PIK3CA: variants seen among roughly 807,000 people sequenced by gnomAD.
The protein encoded by PIK3CA is phosphatidylinositol 4,5-bisphosphate 3-kinase catalytic subunit alpha isoform.
A neutral mutation model predicts 138.2 loss-of-function variants in PIK3CA; 27 were observed. The observed-to-expected ratio is 0.20, with a 90% CI of 0.14 to 0.27. The LOEUF (loss-of-function observed/expected upper bound fraction) is 0.27. Ranked by LOEUF, PIK3CA falls within the 10% of genes least tolerant of loss-of-function variation. The pLI is 1.00. For missense variants in PIK3CA, 544 were observed against 1,277.4 expected (o/e 0.43, Z 8.75); for synonymous variants, 358 against 413.2 (o/e 0.87, Z 1.62).
intron 1 of PIK3CA, among the ~76,000 whole-genome samples, chr3:179,155,344 C>G: frequency 6.6e-6 from 1 of 152,162 alleles, no homozygotes; most frequent in East Asian, 1.9e-4. Context: ...TCTTATATTT[C>G]TATCAGGAGC....
At chr3:179,210,862 G>C (rs141662373) in intron 9 of PIK3CA, among the ~76,000 whole-genome samples, 18 of 152,300 alleles carry the variant, frequency 1.2e-4, no homozygotes, top group Middle Eastern at 3.4e-3. Context: ...CCTTCATTGA[G>C]TATGCACTCT....
intron 1 of PIK3CA, chr3:179,169,041 G>A (rs535906555): frequency 4.6e-5 from 7 of 151,934 alleles, no homozygotes; most frequent in East Asian, 3.9e-4. Flanking sequence ...ATTTTCCCAC[G>A]TCAACAATCA....
rs574908621 is a variant in PIK3CA at position 179,205,020 on chromosome 3, C to CAAAAAAA, written c.1145+462_1145+468dup. On this transcript the variant is annotated intron_variant, in intron 6 of 20. Transcript: ENST00000263967. ...TGGGCAACAGAGCGAGACTCCGTCT[C>CAAAAAAA]AAAAAAAAAAAAAAAAAAAAAAAAA... 5.1e-4 allele frequency among the ~76,000 whole-genome samples: 27 copies of CAAAAAAA among 53,376 alleles called. 2 individuals carry two copies. Among genetic ancestry groups the CAAAAAAA allele is most frequent in the African/African-American group, 1.4e-3 (21 of 14,712 alleles). The allele number at this position is 53,376 out of a possible 152,430, so 35.0% of individuals were successfully genotyped here.
intron 1 of PIK3CA, among the ~76,000 whole-genome samples, chr3:179,165,505 C>T (rs369961202): frequency 1.4e-4 from 21 of 152,248 alleles, no homozygotes; most frequent in African/African-American, 1.9e-4. Flanking sequence ...AGTCCTCCCA[C>T]CTCCACCTCC....
intron 6 of PIK3CA, among the ~76,000 whole-genome samples, chr3:179,206,184 A>G (rs913188914): frequency 7.1e-6 from 1 of 141,368 alleles, no homozygotes; most frequent in Non-Finnish European, 1.5e-5. Context: ...CAGCCTCCCT[A>G]GTAGCTGGGA....
At chr3:179,187,327 G>A (rs193083036) in intron 1 of PIK3CA, among the ~76,000 whole-genome samples, 7,652 of 151,828 alleles carry the variant, frequency 0.05, 252 homozygotes, top group Middle Eastern at 0.18. Context: ...CACGAGGTCA[G>A]GAGATCGAGA....
intron 1 of PIK3CA, among the ~76,000 whole-genome samples, chr3:179,168,241 G>A (rs1045684813): frequency 1.3e-5 from 2 of 152,138 alleles, no homozygotes; most frequent in Non-Finnish European, 2.9e-5. Context: ...AAAACTAATT[G>A]TCTGAAAAGA....
chr3:179,210,034 G>A (rs1724667821), intron 7 of PIK3CA, 152 bp from the exon 8 acceptor site: 3 of 555,330 alleles, frequency 5.4e-6, no homozygotes, highest in Non-Finnish European at 9.0e-6. Flanking sequence ...AAAAAGGAAA[G>A]AATGGGCTTA....
At chr3:179,211,268 A>G (rs1441138261) in intron 9 of PIK3CA, among the ~76,000 whole-genome samples, 1 of 152,240 alleles carries the variant, frequency 6.6e-6, no homozygotes, top group Non-Finnish European at 1.5e-5. Flanking sequence ...GCAGTATTAA[A>G]TTGTATCTGC....
At chr3:179,232,393 T>C (rs1378690868) in intron 20 of PIK3CA, among the ~76,000 whole-genome samples, 1 of 152,168 alleles carries the variant, frequency 6.6e-6, no homozygotes, top group African/African-American at 2.4e-5. Flanking sequence ...TATGTTTTTA[T>C]ATGTCTAAGA....
chr3:179,205,697 C>G (rs935217040), intron 6 of PIK3CA, among the ~76,000 whole-genome samples: 1 of 152,044 alleles, frequency 6.6e-6, no homozygotes, highest in African/African-American at 2.4e-5. Flanking sequence ...TAGTATAATC[C>G]AATAGCTGAC....
At chr3:179,184,432 T>C (rs1723925469) in intron 1 of PIK3CA, among the ~76,000 whole-genome samples, 1 of 152,194 alleles carries the variant, frequency 6.6e-6, no homozygotes, top group Non-Finnish European at 1.5e-5. Flanking sequence ...AATAGAGAAC[T>C]CTACAGAAGA....
At position 179,209,707 on chromosome 3, in the gene PIK3CA, T is replaced by C. The variant is rs771825659; in HGVS notation, c.1251+7T>C. Reference sequence around the variant, plus strand: ...CCGAAAGGGTGCTAAAGAGGTAAAGTATTTCAGAAGGAACAATTATGTTTA... The same window carrying C: ...CCGAAAGGGTGCTAAAGAGGTAAAGCATTTCAGAAGGAACAATTATGTTTA... On this transcript the variant is annotated splice_region_variant and intron_variant, in intron 7 of 20. Transcript: ENST00000263967. 8.5e-6 allele frequency: 13 copies of C among 1,535,210 alleles called. No individual in the cohort carries two copies. Among genetic ancestry groups the C allele is most frequent in the Non-Finnish European group, 6.3e-6 (7 of 1,117,542 alleles).
At chr3:179,203,519 G>C (rs2108392410) in intron 4 of PIK3CA, 25 bp from the exon 5 acceptor site, 1 of 1,583,562 alleles carries the variant, frequency 6.3e-7, no homozygotes, top group Non-Finnish European at 8.6e-7. Flanking sequence ...TACAGGAAAT[G>C]GCTCGCCCCC....
intron 1 of PIK3CA, among the ~76,000 whole-genome samples, chr3:179,165,803 C>G (rs1723403279): frequency 6.6e-6 from 1 of 152,154 alleles, no homozygotes; most frequent in Admixed American, 6.5e-5. Context: ...TGTTCTTGTG[C>G]TCATGCTGTT....
chr3:179,173,280 C>T (rs11924545), intron 1 of PIK3CA, among the ~76,000 whole-genome samples: 12,942 of 151,600 alleles, frequency 0.085, 586 homozygotes, highest in African/African-American at 0.11. Flanking sequence ...AAAGAAAGGC[C>T]GGGCGCGGTA....
chr3:179,206,600 A>G (rs1363955583), intron 6 of PIK3CA, among the ~76,000 whole-genome samples: 1 of 152,212 alleles, frequency 6.6e-6, no homozygotes, highest in Non-Finnish European at 1.5e-5. Context: ...TGTTTCAAGT[A>G]CCACAAGTTA....
rs190386500 is a variant in PIK3CA at position 179,221,798 on chromosome 3, C to T, written c.2187+641C>T. Among the ~76,000 whole-genome samples the T allele has an allele frequency of 7.6e-4, 111 of 145,468 alleles. 1 individual carries two copies. The highest frequency in any genetic ancestry group is 1.3e-3 in the Non-Finnish European group (84 of 67,142). On this transcript the variant is annotated intron_variant, in intron 14 of 20. Transcript: ENST00000263967. ...TTTCGGCTCACTGCAGCCTTGACCT[C>T]CTGGGTTCAAGCCATCCTCCCACCT...
At chr3:179,198,524 T>C (rs1354122145) in intron 1 of PIK3CA, among the ~76,000 whole-genome samples, 1 of 152,222 alleles carries the variant, frequency 6.6e-6, no homozygotes, top group Non-Finnish European at 1.5e-5. Context: ...AATGACTTTA[T>C]TAAATTTAAT....
Sources: allele counts gnomAD v4.1 joint callset (sites outside exome capture counted in the v4.1 genomes callset), GRCh38; gene constraint gnomAD v4.1.1; transcripts MANE v1.5; gene names NCBI Gene and HGNC (gene_info 2026-07-23, HGNC 2026-07-21).